RASAL2: variants seen among roughly 807,000 people sequenced by gnomAD.
RASAL2 encodes ras GTPase-activating protein nGAP.
Under a neutral mutation model 128.9 loss-of-function variants are expected in RASAL2, and 58 were observed. The ratio of observed to expected loss-of-function variants is 0.45; its 90% CI spans 0.36 to 0.56. The LOEUF (loss-of-function observed/expected upper bound fraction) is 0.56. Among genes scored for constraint, RASAL2 ranks in the 20% least tolerant of loss-of-function variants. RASAL2 has a pLI of 0.00. For synonymous variants in RASAL2, 561 were observed against 580.8 expected, an observed-to-expected ratio of 0.97 and a Z score of 0.49; for missense variants, 1,360 against 1,601.6, an observed-to-expected ratio of 0.85 and a Z score of 2.57.
At chr1:178,357,799 CTCATA>C (rs1670889477) in intron 3 of RASAL2, among the ~76,000 whole-genome samples, 1 of 152,028 alleles carries the variant, frequency 6.6e-6, no homozygotes, top group Admixed American at 6.6e-5. Context: ...TATTATATTA[CTCATA>C]TCTCTCCATA....
At chr1:178,143,259 T>C (rs1660600683) in intron 1 of RASAL2, among the ~76,000 whole-genome samples, 1 of 151,954 alleles carries the variant, frequency 6.6e-6, no homozygotes, top group Non-Finnish European at 1.5e-5. Flanking sequence ...ATATCATAGA[T>C]GTAATGTGTT....
chr1:178,382,143 T>C (rs1672318599), intron 3 of RASAL2, among the ~76,000 whole-genome samples: 1 of 152,208 alleles, frequency 6.6e-6, no homozygotes, highest in Admixed American at 6.5e-5. Flanking sequence ...ATTAGTGGCA[T>C]TGAAAGACAT....
intron 1 of RASAL2, among the ~76,000 whole-genome samples, chr1:178,167,533 G>A (rs1376827992): frequency 6.6e-6 from 1 of 151,924 alleles, no homozygotes; most frequent in African/African-American, 2.4e-5. Context: ...AATGGGTATG[G>A]GGGTGTCTAT....
At chr1:178,353,007 C>T (rs974114895) in intron 3 of RASAL2, among the ~76,000 whole-genome samples, 1 of 152,232 alleles carries the variant, frequency 6.6e-6, no homozygotes, top group Non-Finnish European at 1.5e-5. Flanking sequence ...GCTTACAGGC[C>T]TGTGATGGGA....
chr1:178,310,446 G>A (rs1445476979), intron 3 of RASAL2, among the ~76,000 whole-genome samples: 1 of 151,646 alleles, frequency 6.6e-6, no homozygotes, highest in East Asian at 1.9e-4. Context: ...TAGTTAATTG[G>A]GTCTCAAAAC....
At chr1:178,194,950 G>T (rs1191298442) in intron 1 of RASAL2, among the ~76,000 whole-genome samples, 2 of 152,248 alleles carry the variant, frequency 1.3e-5, no homozygotes, top group African/African-American at 4.8e-5. Flanking sequence ...TCCAGTAAGA[G>T]ATGTTATCTT....
chr1:178,366,637 C>G (rs1350293743), intron 3 of RASAL2, among the ~76,000 whole-genome samples: 1 of 126,552 alleles, frequency 7.9e-6, no homozygotes, highest in Non-Finnish European at 1.6e-5. Flanking sequence ...ATTTGGACAT[C>G]CTTTTGAAGT....
At chr1:178,380,255 T>G (rs921366010) in intron 3 of RASAL2, among the ~76,000 whole-genome samples, 4 of 152,050 alleles carry the variant, frequency 2.6e-5, no homozygotes, top group Admixed American at 6.6e-5. Context: ...AAACCTAATT[T>G]CCCATGAGGC....
chr1:178,411,995 C>T (rs577730454), intron 4 of RASAL2: 4 of 541,850 alleles, frequency 7.4e-6, no homozygotes, highest in African/African-American at 1.9e-5. Context: ...GAAGTGGGGT[C>T]GCTGTGGTCA....
At chr1:178,460,753 T>TC (rs1678136526) in intron 14 of RASAL2, among the ~76,000 whole-genome samples, 1 of 151,704 alleles carries the variant, frequency 6.6e-6, no homozygotes, top group Non-Finnish European at 1.5e-5. Context: ...TCAAGTTTCT[T>TC]TTTTTTTTCC....
chr1:178,432,755 C>G (rs1244252752), intron 5 of RASAL2, among the ~76,000 whole-genome samples: 5 of 152,072 alleles, frequency 3.3e-5, no homozygotes, highest in Admixed American at 2.6e-4. Context: ...TATTTACCTC[C>G]TAAATATCTC....
intron 1 of RASAL2, among the ~76,000 whole-genome samples, chr1:178,248,215 T>A (rs936100416): frequency 6.6e-6 from 1 of 152,226 alleles, no homozygotes; most frequent in Non-Finnish European, 1.5e-5. Flanking sequence ...AGTCTCTTCG[T>A]AGATCTCTGA....
At chr1:178,398,127 TTTAG>T (rs1673365828) in intron 4 of RASAL2, among the ~76,000 whole-genome samples, 2 of 152,164 alleles carry the variant, frequency 1.3e-5, no homozygotes, top group Admixed American at 6.5e-5. Context: ...TACAGTTTTT[TTTAG>T]TTAATCGTTT....
chr1:178,162,344 G>A (rs1472350843), intron 1 of RASAL2, among the ~76,000 whole-genome samples: 9 of 121,302 alleles, frequency 7.4e-5, no homozygotes, highest in South Asian at 4.6e-4. Flanking sequence ...TATATATTAT[G>A]TGTATATAAT....
In RASAL2 at chr1:178,236,850, G is replaced by A. The variant is rs531623640; in HGVS notation, c.203-46714G>A. Among the ~76,000 whole-genome samples, 4 of 138,644 alleles carry A rather than the reference G, an allele frequency of 2.9e-5. No homozygotes were observed. In the South Asian group the frequency reaches 7.4e-4, roughly 25 times the overall value. 91.0% of individuals were successfully genotyped at this position (138,644 alleles called of 152,430 possible). ...GCGATCTCGGCTCACTGCAACCTCCGCCTCCCGGGTTCAAGTGGTTCTCCT... is the reference window on the plus strand; with the variant it reads ...GCGATCTCGGCTCACTGCAACCTCCACCTCCCGGGTTCAAGTGGTTCTCCT... On this transcript the variant is annotated intron_variant, in intron 1 of 17. Coordinates refer to ENST00000367649, the MANE Select transcript of RASAL2 (RefSeq NM_170692.4).
chr1:178,441,163 A>G (rs1382825925), intron 6 of RASAL2, among the ~76,000 whole-genome samples: 1 of 150,830 alleles, frequency 6.6e-6, no homozygotes, highest in Non-Finnish European at 1.5e-5. Flanking sequence ...AAAACTAGCA[A>G]AGATCATCTT....
At chr1:178,324,414 G>GAA in intron 3 of RASAL2, among the ~76,000 whole-genome samples, 1 of 136,848 alleles carries the variant, frequency 7.3e-6, no homozygotes, top group African/African-American at 2.7e-5. Flanking sequence ...CGATCTCTAG[G>GAA]AAAAAAAAAA....
In RASAL2 at chr1:178,417,488, G is replaced by A. The variant is rs532640487; in HGVS notation, c.565-3023G>A. Among the ~76,000 whole-genome samples the A allele has an allele frequency of 3.9e-5, 6 of 152,132 alleles. No individual in the cohort carries two copies. The East Asian group carries it at 7.7e-4, about 20-fold the overall frequency. ...TATGATATGTGCCACAAGGCTGGAC[G>A]CAGTGGCTCATGCCTGTAATCCCAG... On this transcript the variant is annotated intron_variant, in intron 4 of 17. Transcript: ENST00000367649.
At chr1:178,197,400 G>A (rs1304853413) in intron 1 of RASAL2, among the ~76,000 whole-genome samples, 1 of 152,060 alleles carries the variant, frequency 6.6e-6, no homozygotes, top group East Asian at 1.9e-4. Flanking sequence ...GTTGCAGTGA[G>A]CCGAGATTGT....
Sources: gnomAD v4.1 joint callset for allele counts (sites outside exome capture counted in the v4.1 genomes callset) on GRCh38, gnomAD v4.1.1 for gene constraint, MANE v1.5 for transcripts, NCBI Gene and HGNC (gene_info 2026-07-23, HGNC 2026-07-21) for gene names.